RASA3: variants seen among roughly 807,000 people sequenced by gnomAD.
RASA3 encodes the protein ras GTPase-activating protein 3.
A neutral mutation model predicts 110.0 loss-of-function variants in RASA3; 73 were observed. That is an observed-to-expected ratio of 0.66 (90% CI 0.55 to 0.81). RASA3 has a LOEUF of 0.81. RASA3 is among the 30% of genes least tolerant of loss of function. RASA3 has a pLI of 0.00. For synonymous variants in RASA3, 500 were observed against 451.4 expected, an observed-to-expected ratio of 1.11 and a Z score of -1.37; for missense variants, 976 against 1,113.2, an observed-to-expected ratio of 0.88 and a Z score of 1.75.
At chr13:114,024,998 A>G (rs2054001410) in intron 7 of RASA3, among the ~76,000 whole-genome samples, 1 of 151,502 alleles carries the variant, frequency 6.6e-6, no homozygotes, top group Admixed American at 6.5e-5. Context: ...GCAGCAGAGC[A>G]GGAGGCCGAC....
chr13:114,048,667 G>A lies in RASA3; in HGVS notation c.277+3385C>T, dbSNP rs933443100. Among the ~76,000 whole-genome samples, 1 of 152,236 alleles carries A rather than the reference G, an allele frequency of 6.6e-6. No homozygotes were observed. Among genetic ancestry groups the A allele is most frequent in the Non-Finnish European group, 1.5e-5 (1 of 68,042 alleles). ...TCCCTGCGCCTGGAATCCCGAAGGAGCCTGCGCCCCGTGTGTCCCGCAGGT... is the reference window on the plus strand; with the variant it reads ...TCCCTGCGCCTGGAATCCCGAAGGAACCTGCGCCCCGTGTGTCCCGCAGGT... On this transcript the variant is annotated intron_variant, in intron 3 of 23. Transcript: ENST00000334062. The surrounding 1 kb of genome is among the most constrained non-coding windows in gnomAD (Gnocchi z 4.3).
At chr13:114,019,392 T>C (rs568211067) in intron 9 of RASA3, among the ~76,000 whole-genome samples, 5 of 152,238 alleles carry the variant, frequency 3.3e-5, no homozygotes, top group Admixed American at 6.5e-5. Flanking sequence ...TGCCCGGACA[T>C]TCTTCCATCT....
intron 1 of RASA3, among the ~76,000 whole-genome samples, chr13:114,090,584 C>T (rs1566565695): frequency 6.6e-6 from 1 of 152,190 alleles, no homozygotes; most frequent in Non-Finnish European, 1.5e-5. Context: ...GAGCTCATCA[C>T]AGCGTGAGTC....
intron 14 of RASA3, among the ~76,000 whole-genome samples, chr13:114,013,501 C>T (rs1406417121): frequency 6.8e-6 from 1 of 146,644 alleles, no homozygotes; most frequent in South Asian, 2.2e-4. Context: ...CTCTCTCTCT[C>T]TCCCTCTATT....
chr13:114,028,684 G>GGT (rs2139376872), intron 5 of RASA3, among the ~76,000 whole-genome samples: 1 of 118,482 alleles, frequency 8.4e-6, no homozygotes, highest in Non-Finnish European at 1.8e-5. Flanking sequence ...GTGTCATCCT[G>GGT]GGGCCAGGAC....
At chr13:114,088,759 A>G (rs2079852595) in intron 1 of RASA3, among the ~76,000 whole-genome samples, 1 of 152,184 alleles carries the variant, frequency 6.6e-6, no homozygotes, top group Non-Finnish European at 1.5e-5. Flanking sequence ...CATGTTGGTC[A>G]GGCTGGTCTT....
At chr13:114,061,752 A>T (rs2079354789) in intron 2 of RASA3, among the ~76,000 whole-genome samples, 1 of 152,016 alleles carries the variant, frequency 6.6e-6, no homozygotes, top group South Asian at 2.1e-4. Flanking sequence ...GTCTAACACG[A>T]TCCTTAAGCG....
intron 17 of RASA3, 90 bp downstream of exon 17, chr13:114,009,297 T>C: frequency 9.5e-7 from 1 of 1,058,050 alleles, no homozygotes; most frequent in Non-Finnish European, 1.5e-6. Flanking sequence ...TGGCCAAGTC[T>C]GTGTCATGTG....
intron 23 of RASA3, among the ~76,000 whole-genome samples, chr13:113,980,054 T>TGC (rs1289004043): frequency 1.6e-4 from 3 of 19,068 alleles, no homozygotes; most frequent in Non-Finnish European, 4.5e-4. Flanking sequence ...GTGTGCCTCC[T>TGC]GTGTGCACCT....
rs372337577 is a variant in RASA3, at chr13:114,050,723, T to A, written c.277+1329A>T. On this transcript the variant is annotated intron_variant, in intron 3 of 23. Transcript: ENST00000334062. ...TGGCAGAGTGCAGACAGCCTACGCG[T>A]TACCTACTAGCCCGTTTCTCTCATG... Among the ~76,000 whole-genome samples the A allele has an allele frequency of 4.2e-4, 64 of 152,352 alleles. 3 individuals carry two copies. In the South Asian group the frequency reaches 0.013, roughly 31 times the overall value.
At chr13:114,022,231 G>A (rs145764069) in intron 8 of RASA3, among the ~76,000 whole-genome samples, 5 of 152,292 alleles carry the variant, frequency 3.3e-5, no homozygotes, top group Non-Finnish European at 7.3e-5. Context: ...ACACAGCAGC[G>A]GCTCCCACTA....
chr13:114,042,042 G>A (rs765545281), intron 3 of RASA3, among the ~76,000 whole-genome samples: 6 of 152,334 alleles, frequency 3.9e-5, no homozygotes, highest in East Asian at 3.9e-4. Flanking sequence ...GTGAAAATAC[G>A]TATCAGAATA....
intron 4 of RASA3, among the ~76,000 whole-genome samples, chr13:114,032,407 A>G (rs937829108): frequency 5.9e-5 from 9 of 152,168 alleles, no homozygotes; most frequent in Admixed American, 4.6e-4. Context: ...CTGCCTTCTC[A>G]GGTCAAACTG....
In RASA3 at chr13:113,979,433, G is replaced by C; in HGVS notation, c.2430-11C>G. The C allele has an allele frequency of 1.9e-6, 3 of 1,577,862 alleles. No homozygotes were observed. The highest frequency in any genetic ancestry group is 2.6e-6 in the Non-Finnish European group (3 of 1,147,304). ...CCGATGGGGTGCTCCCTGAAAAGGG[G>C]GATGGGAGAGGGAATGAGGCACAGA... On this transcript the variant is annotated splice_polypyrimidine_tract_variant and intron_variant, in intron 23 of 23. Transcript: ENST00000334062.
chr13:114,026,718 T>C (rs1318293816), intron 7 of RASA3, among the ~76,000 whole-genome samples: 1 of 152,134 alleles, frequency 6.6e-6, no homozygotes, highest in Non-Finnish European at 1.5e-5. Flanking sequence ...TCCTCACATC[T>C]CCAGGGCCTG....
chr13:114,117,367 A>T (rs1186254865), intron 1 of RASA3, among the ~76,000 whole-genome samples: 4 of 140,840 alleles, frequency 2.8e-5, no homozygotes, highest in Non-Finnish European at 6.1e-5. Flanking sequence ...TGAGGGGTGC[A>T]CGTGTGTGAG....
chr13:114,089,046 G>A lies in RASA3; in HGVS notation c.56-15209C>T, dbSNP rs1212508122. ...CAGCTCCTCCTCCCAGGGCAGCAGA[G>A]CCTGGCGAGTCCCGAATCCCTGGTG... On this transcript the variant is annotated intron_variant, in intron 1 of 23. Transcript: ENST00000334062. Among the ~76,000 whole-genome samples, 21 of 152,220 alleles carry A rather than the reference G, an allele frequency of 1.4e-4. 2 individuals carry two copies. The highest frequency in any genetic ancestry group is 5.1e-4 in the African/African-American group (21 of 41,536).
At chr13:114,097,195 T>C (rs538165900) in intron 1 of RASA3, among the ~76,000 whole-genome samples, 2 of 152,350 alleles carry the variant, frequency 1.3e-5, no homozygotes, top group East Asian at 3.9e-4. Context: ...AACTGGGAAC[T>C]GTCCAGGGGC....
chr13:114,107,163 T>C (rs1039578383), intron 1 of RASA3, among the ~76,000 whole-genome samples: 2 of 125,304 alleles, frequency 1.6e-5, no homozygotes, highest in Admixed American at 1.5e-4. Flanking sequence ...CTGGGCACCT[T>C]GACCCTCACG....
Sources: allele counts gnomAD v4.1 joint callset (sites outside exome capture counted in the v4.1 genomes callset), GRCh38; gene constraint gnomAD v4.1.1; non-coding constraint Gnocchi (gnomAD v3.1); transcripts MANE v1.5; gene names NCBI Gene and HGNC (gene_info 2026-07-23, HGNC 2026-07-21).